Variants in SHPK observed in about 807,000 individuals in gnomAD.
SHPK encodes the protein sedoheptulokinase.
A neutral mutation model predicts 46.3 loss-of-function variants in SHPK; 51 were observed. The observed-to-expected ratio is 1.10, with a 90% CI of 0.88 to 1.39. The LOEUF is 1.39. Ranked by LOEUF, SHPK falls within the 40% of genes most tolerant of loss-of-function variation. SHPK has a pLI of 0.00. For synonymous variants in SHPK, 290 were observed against 273.9 expected, an observed-to-expected ratio of 1.06 and a Z score of -0.58; for missense variants, 668 against 641.3, an observed-to-expected ratio of 1.04 and a Z score of -0.45.
intron 5 of SHPK, among the ~76,000 whole-genome samples, chr17:3,619,001 C>T (rs1267192958): frequency 1.3e-5 from 2 of 150,016 alleles, no homozygotes; most frequent in Admixed American, 6.7e-5. Context: ...CCAAAGAGGC[C>T]GTACCTTTTT....
At position 3,608,353 on chromosome 17, in the gene SHPK, C is replaced by T. The variant is rs973934375; in HGVS notation, c.*2207G>A. Reference sequence around the variant, plus strand: ...ACCTTACGGTTTCTCTTTGGCATATCCGAACAGCCAGCATCACTACCAGCA... The same window carrying T: ...ACCTTACGGTTTCTCTTTGGCATATTCGAACAGCCAGCATCACTACCAGCA... On this transcript the variant is annotated 3_prime_UTR_variant, in exon 7 of 7. Coordinates refer to ENST00000225519, the MANE Select transcript of SHPK (RefSeq NM_013276.4). 6.6e-6 allele frequency: 1 copy of T among 152,086 alleles called. No homozygotes were observed. The highest frequency in any genetic ancestry group is 2.4e-5 in the African/African-American group (1 of 41,396). The allele number at this position is 152,086 out of a possible 1,614,324, so 9.4% of individuals were successfully genotyped here.
intron 6 of SHPK, among the ~76,000 whole-genome samples, chr17:3,612,007 T>G (rs187410286): frequency 1.3e-5 from 2 of 151,834 alleles, no homozygotes; most frequent in Admixed American, 6.6e-5. Context: ...TTTTACTACA[T>G]TGGACAGGCT....
At chr17:3,628,225 T>C (rs2075449669) in intron 2 of SHPK, among the ~76,000 whole-genome samples, 1 of 152,186 alleles carries the variant, frequency 6.6e-6, no homozygotes, top group Non-Finnish European at 1.5e-5. Flanking sequence ...TGTTGATCTG[T>C]AGTAAAATGT....
intron 2 of SHPK, among the ~76,000 whole-genome samples, chr17:3,626,677 G>A (rs538383251): frequency 2.0e-5 from 3 of 148,130 alleles, no homozygotes; most frequent in Non-Finnish European, 4.4e-5. Context: ...AGCAGAGATT[G>A]CGCCACTGCA....
chr17:3,632,001 G>A (rs952957478), intron 1 of SHPK, among the ~76,000 whole-genome samples: 1 of 152,022 alleles, frequency 6.6e-6, no homozygotes, highest in African/African-American at 2.4e-5. Context: ...ACTGTCACCA[G>A]GTTGGAGTGC....
chr17:3,610,890 G>T lies in SHPK; in HGVS notation c.1107C>A (p.Thr369=). The T allele has an allele frequency of 6.2e-7, 1 of 1,613,996 alleles. No homozygotes were observed. Among genetic ancestry groups the T allele is most frequent in the Non-Finnish European group, 8.5e-7 (1 of 1,179,968 alleles). The change falls in exon 7 of 7, where the codon ACC becomes ACA. Residue 369 remains threonine (T), a synonymous_variant. Coordinates refer to ENST00000225519, the MANE Select transcript of SHPK (RefSeq NM_013276.4). ...GGTGCCTCTCCCCCAGCACTGTCGG[G>T]GTGATGGTCAGGTGGGTATCTCTCT... The part of the protein sequence containing the change: ...VQQRDTHLTI[T]PTVLGERHLP...
intron 6 of SHPK, among the ~76,000 whole-genome samples, chr17:3,613,797 C>A (rs1213817027): frequency 6.6e-6 from 1 of 152,014 alleles, no homozygotes; most frequent in African/African-American, 2.4e-5. Context: ...TGAGCTCAAG[C>A]AATCCTCCCG....
chr17:3,619,165 A>G (rs996827613), intron 5 of SHPK: 2 of 394,372 alleles, frequency 5.1e-6, no homozygotes, highest in African/African-American at 2.1e-5. Flanking sequence ...TGATGCCTTA[A>G]GAACAACTCA....
chr17:3,627,487 C>T (rs1266674385), intron 2 of SHPK, among the ~76,000 whole-genome samples: 5 of 152,024 alleles, frequency 3.3e-5, no homozygotes, highest in South Asian at 2.1e-4. Context: ...CCTAGCAAAG[C>T]GTTTTATAGG....
chr17:3,615,388 T>G lies in SHPK; in HGVS notation c.973A>C (p.Asn325His). ...ATGTGGACGAACGTGGCCAGCACAT[T>G]GCCCCCGTTGAGTGACGCGGCCACC... ...LGVAASLNGG[N>H]VLATFVHMLV... Residue 325 changes from asparagine (N) to histidine (H), a missense_variant, in exon 6 of 7, where the codon AAT becomes CAT. Physicochemically the swap from Asn to His is moderately conservative, Grantham distance 68 (BLOSUM62 1). Coordinates refer to ENST00000225519, the MANE Select transcript of SHPK (RefSeq NM_013276.4). 1 of 1,614,174 alleles carries G rather than the reference T, an allele frequency of 6.2e-7. No homozygotes were observed. Among genetic ancestry groups the G allele is most frequent in the Non-Finnish European group, 8.5e-7 (1 of 1,180,024 alleles).
chr17:3,632,191 G>A (rs1395528571), intron 1 of SHPK, among the ~76,000 whole-genome samples: 2 of 151,972 alleles, frequency 1.3e-5, no homozygotes, highest in African/African-American at 2.4e-5. Context: ...TCTTGACCTC[G>A]TGATTCGCCC....
rs928097256 is a variant in SHPK, at chr17:3,609,190, A to G, written c.*1370T>C. ...CGGGAGCCAACATGCCCGGCCAAGAATGGGCTTTAGTATCTGACATTTGGC... is the reference window on the plus strand; with the variant it reads ...CGGGAGCCAACATGCCCGGCCAAGAGTGGGCTTTAGTATCTGACATTTGGC... On this transcript the variant is annotated 3_prime_UTR_variant, in exon 7 of 7. Coordinates refer to ENST00000225519, the MANE Select transcript of SHPK (RefSeq NM_013276.4). 7 of 152,170 alleles carry G rather than the reference A, an allele frequency of 4.6e-5. No homozygotes were observed. Among genetic ancestry groups the G allele is most frequent in the African/African-American group, 1.7e-4 (7 of 41,438 alleles). The allele number at this position is 152,170 out of a possible 1,614,324, so 9.4% of individuals were successfully genotyped here. A position where few individuals can be genotyped will look rare whatever the true frequency, so the allele number is the denominator to read the frequency against.
At chr17:3,616,334 C>T (rs1318867120) in intron 5 of SHPK, among the ~76,000 whole-genome samples, 1 of 152,144 alleles carries the variant, frequency 6.6e-6, no homozygotes, top group Admixed American at 6.5e-5. Flanking sequence ...CACTTGCTCT[C>T]GGGGAAGGCA....
intron 2 of SHPK, among the ~76,000 whole-genome samples, chr17:3,628,798 C>G (rs1400009551): frequency 1.3e-5 from 2 of 151,890 alleles, no homozygotes; most frequent in Non-Finnish European, 2.9e-5. Context: ...ATAAACATGT[C>G]GCACCACACC....
At chr17:3,614,325 C>T (rs1204608002) in intron 6 of SHPK, among the ~76,000 whole-genome samples, 2 of 150,212 alleles carry the variant, frequency 1.3e-5, no homozygotes, top group African/African-American at 4.9e-5. Flanking sequence ...GAGATTGAGA[C>T]CATCCTGGCT....
intron 1 of SHPK, 91 bp from the exon 2 acceptor site, chr17:3,630,437 A>G (rs1013313072): frequency 2.3e-6 from 3 of 1,323,238 alleles, no homozygotes; most frequent in African/African-American, 1.5e-5. Context: ...GGAGGAATGC[A>G]GTGGGCAGCA....
At chr17:3,623,850 C>A (rs1180455917) in intron 3 of SHPK, among the ~76,000 whole-genome samples, 198 bp downstream of exon 3, 1 of 152,140 alleles carries the variant, frequency 6.6e-6, no homozygotes, top group Non-Finnish European at 1.5e-5. Context: ...TGGGTGGGAA[C>A]TGGATAACCA....
chr17:3,619,587 A>G lies in SHPK; in HGVS notation c.823+1650T>C. The G allele has an allele frequency of 4.5e-6, 2 of 442,666 alleles. 1 individual carries two copies. The highest frequency in any genetic ancestry group is 4.1e-5 in the South Asian group (2 of 48,880). 27.4% of individuals were successfully genotyped at this position (442,666 alleles called of 1,614,324 possible). On this transcript the variant is annotated intron_variant, in intron 5 of 6. Coordinates refer to ENST00000225519, the MANE Select transcript of SHPK (RefSeq NM_013276.4). ...GTGTCTACTAAAAATGCAAACATTAACCAGCCATGGTGGTGTGCGCCTGTA... is the reference window on the plus strand; with the variant it reads ...GTGTCTACTAAAAATGCAAACATTAGCCAGCCATGGTGGTGTGCGCCTGTA...
rs375136521 is a variant in SHPK, at chr17:3,636,241, T to G, written c.-22A>C. ...CCATTATCTCCCTGACCCGCGCAGC[T>G]CCAGTCTGCAGCCAGCGGCCCCACA... On this transcript the variant is annotated 5_prime_UTR_variant, in exon 1 of 7. Coordinates refer to ENST00000225519, the MANE Select transcript of SHPK (RefSeq NM_013276.4). 1.0e-4 allele frequency: 164 copies of G among 1,580,628 alleles called. 1 individual carries two copies. In the African/African-American group the frequency reaches 2.0e-3, roughly 20 times the overall value.
Sources: allele counts gnomAD v4.1 joint callset (sites outside exome capture counted in the v4.1 genomes callset), GRCh38; gene constraint gnomAD v4.1.1; transcripts MANE v1.5; gene names NCBI Gene and HGNC (gene_info 2026-07-23, HGNC 2026-07-21).